The following FBXO32 variants were observed in gnomAD, a reference collection of about 807,000 sequenced individuals.
The protein encoded by FBXO32 is F-box only protein 32.
In FBXO32, 15 loss-of-function variants were observed where a neutral mutation model predicts 48.3. That is an observed-to-expected ratio of 0.31 (90% CI 0.21 to 0.48). The LOEUF (loss-of-function observed/expected upper bound fraction) is 0.48. Ranked by LOEUF, FBXO32 falls within the 20% of genes least tolerant of loss-of-function variation. FBXO32 has a pLI of 0.99. For missense variants in FBXO32, 309 were observed against 432.7 expected (o/e 0.71, Z 2.54); for synonymous variants, 154 against 165.9 (o/e 0.93, Z 0.55).
Position 123,513,087 on chromosome 8 carries a change from G to A in FBXO32, c.651+111C>T. On this transcript the variant is annotated intron_variant, in intron 6 of 8. Coordinates refer to ENST00000517956, the MANE Select transcript of FBXO32 (RefSeq NM_058229.4). The surrounding 1 kb of genome is among the most constrained non-coding windows in gnomAD (Gnocchi z 4.3). ...AGCACCAGAACAAAGCAGCAGATCAGAAAAGACCAGACTCTTCCGTCACAG... is the reference window on the plus strand; with the variant it reads ...AGCACCAGAACAAAGCAGCAGATCAAAAAAGACCAGACTCTTCCGTCACAG... The A allele has an allele frequency of 8.3e-7, 1 of 1,201,296 alleles. No individual in the cohort carries two copies. The highest frequency in any genetic ancestry group is 1.2e-6 in the Non-Finnish European group (1 of 849,754). 74.4% of individuals were successfully genotyped at this position (1,201,296 alleles called of 1,614,324 possible).
rs1817235099 is a variant in FBXO32 at position 123,532,797 on chromosome 8, ACTT to A, written c.279+391_279+393del. ...ACATCACACTGAGCAGGCACTGAAA[ACTT>A]CTACTATATTTAGTGATTAGCGCTT... On this transcript the variant is annotated intron_variant, in intron 3 of 8. Coordinates refer to ENST00000517956, the MANE Select transcript of FBXO32 (RefSeq NM_058229.4). Among the ~76,000 whole-genome samples the A allele has an allele frequency of 2.0e-5, 3 of 152,350 alleles. No homozygotes were observed. In the South Asian group the frequency reaches 6.2e-4, roughly 32 times the overall value.
intron 7 of FBXO32, 53 bp from the exon 8 acceptor site, chr8:123,504,800 G>A: frequency 6.4e-7 from 1 of 1,574,554 alleles, no homozygotes; most frequent in South Asian, 1.2e-5. Flanking sequence ...CAAGAAGATG[G>A]CTTGTGGTTT....
intron 1 of FBXO32, among the ~76,000 whole-genome samples, chr8:123,537,306 A>G (rs920925006): frequency 6.6e-6 from 1 of 152,102 alleles, no homozygotes; most frequent in Non-Finnish European, 1.5e-5. Flanking sequence ...AATAATAGCC[A>G]GCAAGTCGCT....
In FBXO32 at chr8:123,513,827, C is replaced by A. The variant is rs1176535605; in HGVS notation, c.466+413G>T. On this transcript the variant is annotated intron_variant, in intron 5 of 8. Coordinates refer to ENST00000517956, the MANE Select transcript of FBXO32 (RefSeq NM_058229.4). The surrounding 1 kb of genome is among the most constrained non-coding windows in gnomAD (Gnocchi z 4.3). ...CTTCTCCTCATGGGCCTCAGTTTCA[C>A]CATGTGTACAATGAGTCAGTTGAAC... 1.3e-5 allele frequency among the ~76,000 whole-genome samples: 2 copies of A among 152,176 alleles called. No homozygotes were observed. Among genetic ancestry groups the A allele is most frequent in the Non-Finnish European group, 2.9e-5 (2 of 68,030 alleles).
At position 123,534,724 on chromosome 8, in the gene FBXO32, C is replaced by G; in HGVS notation, c.207G>C (p.Leu69=). Residue 69 remains leucine, a synonymous_variant, in exon 2 of 9, where the codon CTG becomes CTC. Coordinates refer to ENST00000517956, the MANE Select transcript of FBXO32 (RefSeq NM_058229.4). ...TACACTGAGTTTTGGTTTTGCTATT[C>G]AGCATGTCCTTCTTTCTCTTCTTGG... ...VAAKKRKKDM[L]NSKTKTQYFH... 6.2e-7 allele frequency: 1 copy of G among 1,613,466 alleles called. No individual in the cohort carries two copies. The highest frequency in any genetic ancestry group is 8.5e-7 in the Non-Finnish European group (1 of 1,179,582).
chr8:123,537,142 T>C (rs1817323810), intron 1 of FBXO32, among the ~76,000 whole-genome samples: 1 of 152,178 alleles, frequency 6.6e-6, no homozygotes, highest in African/African-American at 2.4e-5. Flanking sequence ...GAGAGTTCAA[T>C]CGTGTCCTTT....
At chr8:123,534,133 A>C (rs1817265726) in intron 2 of FBXO32, among the ~76,000 whole-genome samples, 1 of 151,790 alleles carries the variant, frequency 6.6e-6, no homozygotes, top group Non-Finnish European at 1.5e-5. Flanking sequence ...AAAAAAAAAA[A>C]AAACACCCCT....
Position 123,534,660 on chromosome 8 carries a change from C to T in FBXO32, c.229+42G>A, listed in dbSNP as rs1313647779. The T allele has an allele frequency of 5.2e-6, 7 of 1,354,940 alleles. No individual in the cohort carries two copies. In the African/African-American group the frequency reaches 5.8e-5, roughly 11 times the overall value. 83.9% of individuals were successfully genotyped at this position (1,354,940 alleles called of 1,614,324 possible). A position where few individuals can be genotyped will look rare whatever the true frequency, so the allele number is the denominator to read the frequency against. On this transcript the variant is annotated intron_variant, in intron 2 of 8. Transcript: ENST00000517956. ...TCATCCAAGAACCAATCATAACTAT[C>T]TTCAAACAGCTTTTTTCTGAAGTTC...
At position 123,524,174 on chromosome 8, in the gene FBXO32, A is replaced by G. The variant is rs575192921; in HGVS notation, c.372+7724T>C. ...ACCCTCCTACTTCTTCAAATACCCT[A>G]CTACATCTAGGGTGGTGTGGGCATC... On this transcript the variant is annotated intron_variant, in intron 4 of 8. Transcript: ENST00000517956. 8.1e-4 allele frequency among the ~76,000 whole-genome samples: 123 copies of G among 152,136 alleles called. 1 individual carries two copies. The highest frequency in any genetic ancestry group is 2.1e-3 in the South Asian group (10 of 4,816).
intron 1 of FBXO32, among the ~76,000 whole-genome samples, chr8:123,538,418 C>T (rs10101504): frequency 3.9e-5 from 6 of 152,188 alleles, no homozygotes; most frequent in African/African-American, 1.2e-4. Flanking sequence ...GGTCCCTCCC[C>T]GCTTAAGGGC....
intron 2 of FBXO32, among the ~76,000 whole-genome samples, chr8:123,534,291 ATACT>A (rs1817270023): frequency 6.6e-6 from 1 of 152,202 alleles, no homozygotes; most frequent in African/African-American, 2.4e-5. Flanking sequence ...TTCTCTGCTG[ATACT>A]TATATATAGT....
At chr8:123,521,036 G>A (rs563037101) in intron 4 of FBXO32, among the ~76,000 whole-genome samples, 24 of 152,276 alleles carry the variant, frequency 1.6e-4, no homozygotes, top group Admixed American at 1.3e-3. Flanking sequence ...GGCTCAGAGG[G>A]CCCTTCCCTG....
At chr8:123,537,494 G>C (rs577977267) in intron 1 of FBXO32, among the ~76,000 whole-genome samples, 1 of 150,830 alleles carries the variant, frequency 6.6e-6, no homozygotes, top group African/African-American at 2.4e-5. Context: ...AGCAGATAAA[G>C]AAGGGAATGA....
intron 4 of FBXO32, among the ~76,000 whole-genome samples, chr8:123,531,103 C>T (rs1346877568): frequency 6.6e-6 from 1 of 151,430 alleles, no homozygotes; most frequent in Non-Finnish European, 1.5e-5. Context: ...CCTCAGCCTC[C>T]CAAGTAGCTG....
intron 4 of FBXO32, among the ~76,000 whole-genome samples, chr8:123,514,632 C>T (rs1431524733): frequency 1.3e-5 from 2 of 152,230 alleles, no homozygotes; most frequent in Non-Finnish European, 2.9e-5. Context: ...CTGACGTACC[C>T]TGAAGGGAAC....
chr8:123,540,083 T>C lies in FBXO32; in HGVS notation c.116+816A>G, dbSNP rs1307146032. Among the ~76,000 whole-genome samples, 1 of 152,060 alleles carries C rather than the reference T, an allele frequency of 6.6e-6. No individual in the cohort carries two copies. Among genetic ancestry groups the C allele is most frequent in the Non-Finnish European group, 1.5e-5 (1 of 68,028 alleles). On this transcript the variant is annotated intron_variant, in intron 1 of 8. Coordinates refer to ENST00000517956, the MANE Select transcript of FBXO32 (RefSeq NM_058229.4). This position sits in a 1 kb window ranked among gnomAD's most constrained non-coding sequence, Gnocchi z 6.4. Reference sequence around the variant, plus strand: ...TTCCCGCCAGACCACAGAGCTCAGGTGAGGCCTCGAATCCAGAGGCTCACC... The same window carrying C: ...TTCCCGCCAGACCACAGAGCTCAGGCGAGGCCTCGAATCCAGAGGCTCACC...
chr8:123,528,487 T>C (rs568006395), intron 4 of FBXO32, among the ~76,000 whole-genome samples: 1 of 152,346 alleles, frequency 6.6e-6, no homozygotes, highest in South Asian at 2.1e-4. Flanking sequence ...AGTAGGTAAG[T>C]TGCTGTTTCT....
At position 123,502,901 on chromosome 8, in the gene FBXO32, C is replaced by T. The variant is rs1466199775; in HGVS notation, c.*472G>A. ...GCTTCCTTCGCCTTCTCAAAACAAACACCAGATCAAACCCCAAAGCCCAGG... is the reference window on the plus strand; with the variant it reads ...GCTTCCTTCGCCTTCTCAAAACAAATACCAGATCAAACCCCAAAGCCCAGG... On this transcript the variant is annotated 3_prime_UTR_variant, in exon 9 of 9. Transcript: ENST00000517956. 1.3e-5 allele frequency: 2 copies of T among 153,602 alleles called. No individual in the cohort carries two copies. The highest frequency in any genetic ancestry group is 2.9e-5 in the Non-Finnish European group (2 of 69,060). 9.5% of individuals were successfully genotyped at this position (153,602 alleles called of 1,614,324 possible).
intron 4 of FBXO32, among the ~76,000 whole-genome samples, chr8:123,519,924 A>G (rs1816916794): frequency 1.3e-5 from 2 of 152,046 alleles, no homozygotes; most frequent in Admixed American, 1.3e-4. Flanking sequence ...AGTAGCTGGG[A>G]TTACAGGCAC....
Sources: gnomAD v4.1 joint callset for allele counts (sites outside exome capture counted in the v4.1 genomes callset) on GRCh38, gnomAD v4.1.1 for gene constraint, Gnocchi (gnomAD v3.1) non-coding constraint, MANE v1.5 for transcripts, NCBI Gene and HGNC (gene_info 2026-07-23, HGNC 2026-07-21) for gene names.